The following UVSSA variants were observed in gnomAD, a reference collection of about 807,000 sequenced individuals.
The protein encoded by UVSSA is UV stimulated scaffold protein A, also known as UV-stimulated scaffold protein A.
In UVSSA, 72 loss-of-function variants were observed where a neutral mutation model predicts 73.9. That is an observed-to-expected ratio of 0.97 (90% CI 0.81 to 1.19). The LOEUF is 1.19. Among genes scored for constraint, UVSSA ranks in the 50% most tolerant of loss-of-function variants. UVSSA has a pLI of 0.00. For missense variants in UVSSA, 1,150 were observed against 965.0 expected, an observed-to-expected ratio of 1.19 and a Z score of -2.54; for synonymous variants, 454 against 391.3, an observed-to-expected ratio of 1.16 and a Z score of -1.89.
intron 10 of UVSSA, among the ~76,000 whole-genome samples, chr4:1,379,771 TTCAGACGCAGGC>T: frequency 1.2e-4 from 4 of 33,782 alleles, no homozygotes; most frequent in South Asian, 7.1e-4. Flanking sequence ...GGCGTCAGAA[TTCAGACGCAGGC>T]GGTCGTGCCC....
intron 2 of UVSSA, among the ~76,000 whole-genome samples, chr4:1,349,023 T>G (rs1714203935): frequency 6.8e-6 from 1 of 147,210 alleles, no homozygotes. Context: ...CGGTGTGCGG[T>G]TTGTGCCAGG....
Position 1,376,091 on chromosome 4 carries a change from C to T in UVSSA, c.1491C>T (p.Ala497=), listed in dbSNP as rs1356334073. 3 of 1,603,762 alleles carry T rather than the reference C, an allele frequency of 1.9e-6. No individual in the cohort carries two copies. Among genetic ancestry groups the T allele is most frequent in the South Asian group, 1.1e-5 (1 of 89,512 alleles). The change falls in exon 10 of 14, where the codon GCC becomes GCT. Residue 497 remains alanine (A), a synonymous_variant. Coordinates refer to ENST00000389851, the MANE Select transcript of UVSSA (RefSeq NM_020894.4). ...QEAQKLAAER[A]RAPVVPYGVD... is the part of the protein sequence containing the mutation. ...CCCAGAAGCTGGCAGCAGAGCGGGC[C>T]CGGGCGCCTGTGGTGCCCTACGGCG...
At chr4:1,394,144 A>C in exon 14 of UVSSA, 1 of 388,414 alleles carries the variant, frequency 2.6e-6, no homozygotes. Context: ...GGGCCAGGGC[A>C]GCTCAGGTTC....
At chr4:1,347,096 G>A (rs1713792402), upstream of UVSSA, among the ~76,000 whole-genome samples, 1 of 152,092 alleles carries the variant, frequency 6.6e-6, no homozygotes, top group Non-Finnish European at 1.5e-5. Context: ...AGGTGCAGTC[G>A]TCGCTGTGGT....
At chr4:1,375,960 G>A (rs1455867002) in intron 9 of UVSSA, 74 bp from the exon 10 acceptor site, 3 of 1,543,676 alleles carry the variant, frequency 1.9e-6, no homozygotes, top group Admixed American at 3.9e-5. Flanking sequence ...TTGCTGTGGG[G>A]GTGGGGAGGG....
chr4:1,394,372 C>T, exon 14 of UVSSA: 1 of 1,375,588 alleles, frequency 7.3e-7, no homozygotes, highest in Non-Finnish European at 9.8e-7. Flanking sequence ...AAATGTTTTC[C>T]ATGTTTTCTT....
intron 8 of UVSSA, among the ~76,000 whole-genome samples, chr4:1,373,105 C>T (rs78762581): frequency 9.2e-5 from 14 of 152,336 alleles, no homozygotes; most frequent in Admixed American, 4.6e-4. Flanking sequence ...ACTTCTCCTT[C>T]GGCACTTTCA....
At chr4:1,365,428 A>C (rs562435614) in intron 7 of UVSSA, among the ~76,000 whole-genome samples, 2 of 152,250 alleles carry the variant, frequency 1.3e-5, no homozygotes, top group Admixed American at 1.3e-4. Flanking sequence ...TCTGCCCACT[A>C]AGTCGGGCGC....
intron 10 of UVSSA, among the ~76,000 whole-genome samples, chr4:1,377,209 C>G (rs1344597168): frequency 6.6e-6 from 1 of 152,216 alleles, no homozygotes; most frequent in African/African-American, 2.4e-5. Flanking sequence ...CCAGGGCAGC[C>G]ACTGCCTCTG....
chr4:1,395,552 C>T (rs13137870), exon 14 of UVSSA: 2 of 1,577,614 alleles, frequency 1.3e-6, no homozygotes. Flanking sequence ...CACACGTGCC[C>T]ATGTGGAGTG....
At chr4:1,344,685 G>C (rs1181472797), upstream of UVSSA, among the ~76,000 whole-genome samples, 1 of 152,190 alleles carries the variant, frequency 6.6e-6, no homozygotes, top group Admixed American at 6.5e-5. Context: ...CTATTTTCAG[G>C]GACTGTATGT....
rs768773777 is a variant in UVSSA at position 1,375,383 on chromosome 4, G to A, written c.1308G>A (p.Glu436=). 12 of 1,613,524 alleles carry A rather than the reference G, an allele frequency of 7.4e-6. No homozygotes were observed. The Admixed American group carries it at 2.0e-4, about 27-fold the overall frequency. ...RPEYGLEAAP[E]KDTVVRCLRT... Reference sequence around the variant, plus strand: ...TTTCAGGGCTGGAGGCAGCACCAGAGAAAGACACAGTTGTGCGGTGCTTGC... The same window carrying A: ...TTTCAGGGCTGGAGGCAGCACCAGAAAAAGACACAGTTGTGCGGTGCTTGC... Residue 436 remains glutamate (E), a synonymous_variant, in exon 9 of 14, where the codon GAG becomes GAA. Transcript: ENST00000389851.
intron 3 of UVSSA, among the ~76,000 whole-genome samples, chr4:1,351,116 A>C (rs1714659053): frequency 6.6e-6 from 1 of 151,966 alleles, no homozygotes; most frequent in Admixed American, 6.5e-5. Context: ...CCCAGGTTGG[A>C]GTGCAGTGGT....
In UVSSA at chr4:1,354,961, G is replaced by A. The variant is rs1043244345; in HGVS notation, c.1047+114G>A. The A allele has an allele frequency of 3.5e-5, 54 of 1,530,878 alleles. 1 individual carries two copies. The highest frequency in any genetic ancestry group is 1.7e-4 in the South Asian group (14 of 81,884). The allele number at this position is 1,530,878 out of a possible 1,614,324, so 94.8% of individuals were successfully genotyped here. Reference sequence around the variant, plus strand: ...CCGGTGACTGAATGGCCCTTAACCCGCGAGGGCTCTGTCCCTCACCCGCAG... The same window carrying A: ...CCGGTGACTGAATGGCCCTTAACCCACGAGGGCTCTGTCCCTCACCCGCAG... On this transcript the variant is annotated intron_variant, in intron 6 of 13. Coordinates refer to ENST00000389851, the MANE Select transcript of UVSSA (RefSeq NM_020894.4).
exon 14 of UVSSA, chr4:1,395,358 C>G: frequency 1.3e-6 from 2 of 1,547,136 alleles, no homozygotes; most frequent in South Asian, 2.4e-5. Context: ...CGCCTGCTCA[C>G]ATGTGCCGAT....
At chr4:1,353,939 C>T (rs1019064174) in intron 5 of UVSSA, among the ~76,000 whole-genome samples, 5 of 152,216 alleles carry the variant, frequency 3.3e-5, no homozygotes, top group African/African-American at 7.2e-5. Context: ...GAGACATAGC[C>T]GCCCCCGCCC....
chr4:1,349,710 C>T lies in UVSSA; in HGVS notation c.285C>T (p.Pro95=), dbSNP rs770825344. The change falls in exon 3 of 14, where the codon CCC becomes CCT. Residue 95 remains proline, a synonymous_variant. Coordinates refer to ENST00000389851, the MANE Select transcript of UVSSA (RefSeq NM_020894.4). ...TGGAGCTCACGCTGGGCACAGACCCCGCACAGCCTCTGCCGCCCCCCAGGG... is the reference window on the plus strand; with the variant it reads ...TGGAGCTCACGCTGGGCACAGACCCTGCACAGCCTCTGCCGCCCCCCAGGG... ...EFLELTLGTD[P]AQPLPPPREA... is the part of the protein sequence containing the mutation. The T allele has an allele frequency of 1.5e-5, 24 of 1,613,930 alleles. No homozygotes were observed. The highest frequency in any genetic ancestry group is 1.6e-4 in the Middle Eastern group (1 of 6,062).
At chr4:1,379,993 A>C in intron 10 of UVSSA, 54 bp from the exon 11 acceptor site, 1 of 1,534,276 alleles carries the variant, frequency 6.5e-7, no homozygotes, top group Non-Finnish European at 8.8e-7. Flanking sequence ...CACCGTGGCC[A>C]CGCTCTTCTG....
At chr4:1,372,256 T>A (rs1336911007) in intron 8 of UVSSA, among the ~76,000 whole-genome samples, 1 of 152,190 alleles carries the variant, frequency 6.6e-6, no homozygotes, top group Non-Finnish European at 1.5e-5. Flanking sequence ...CCAGAGTCTG[T>A]CTTTCTGTTA....
Sources: allele counts gnomAD v4.1 joint callset (sites outside exome capture counted in the v4.1 genomes callset), GRCh38; gene constraint gnomAD v4.1.1; transcripts MANE v1.5; gene names NCBI Gene and HGNC (gene_info 2026-07-23, HGNC 2026-07-21).